The following PLAGL1 variants were observed in gnomAD, a reference collection of about 807,000 sequenced individuals.
PLAGL1 encodes the protein PLAG1 like zinc finger 1.
Under a neutral mutation model 4.6 loss-of-function variants are expected in PLAGL1, and 1 was observed. The observed-to-expected ratio is 0.22, with a 90% confidence interval of 0.08 to 1.03. PLAGL1 has a LOEUF of 1.03. Among genes scored for constraint, PLAGL1 ranks in the 50% least tolerant of loss-of-function variants. The pLI is 0.58. For missense variants in PLAGL1, 464 were observed against 570.4 expected, an observed-to-expected ratio of 0.81 and a Z score of 1.90; for synonymous variants, 240 against 237.8, an observed-to-expected ratio of 1.01 and a Z score of -0.08.
rs896608850 is a variant in PLAGL1, at chr6:143,995,699, AT to A, written c.-583-10526del. Among the ~76,000 whole-genome samples, 29 of 150,438 alleles carry A rather than the reference AT, an allele frequency of 1.9e-4. No homozygotes were observed. Among genetic ancestry groups the A allele is most frequent in the East Asian group, 9.7e-4 (5 of 5,156 alleles). On this transcript the variant is annotated intron_variant, in intron 1 of 7. Coordinates refer to ENST00000674357, the MANE Select transcript of PLAGL1 (RefSeq NM_001317162.2). The surrounding 1 kb of genome is among the most constrained non-coding windows in gnomAD (Gnocchi z 4.4). ...AATGTTTCAAATCTGAAATATAAGG[AT>A]TTTTTTTTTCCTGAAGACTAAAGGA...
rs1363517603 is a variant in PLAGL1, at chr6:143,985,577, A to G, written c.-583-403T>C. Among the ~76,000 whole-genome samples, 1 of 152,168 alleles carries G rather than the reference A, an allele frequency of 6.6e-6. No homozygotes were observed. The highest frequency in any genetic ancestry group is 2.4e-5 in the African/African-American group (1 of 41,442). On this transcript the variant is annotated intron_variant, in intron 1 of 7. Coordinates refer to ENST00000674357, the MANE Select transcript of PLAGL1 (RefSeq NM_001317162.2). The surrounding 1 kb of genome is among the most constrained non-coding windows in gnomAD (Gnocchi z 4.4). ...CATCTATTTTTAACACTAAAATAAT[A>G]ACAGCCATTTACAAAAAGTATTTCA...
In PLAGL1 at chr6:143,945,189, CTTGT is replaced by C. The variant is rs1228494515; in HGVS notation, c.153-2530_153-2527del. ...CCTATAGCTGAAATTACTTCAACGA[CTTGT>C]TTCTTTCCCTCAGTTTTTCATCTTA... On this transcript the variant is annotated intron_variant, in intron 7 of 7. Coordinates refer to ENST00000674357, the MANE Select transcript of PLAGL1 (RefSeq NM_001317162.2). This position sits in a 1 kb window ranked among gnomAD's most constrained non-coding sequence, Gnocchi z 4.2. 1.3e-5 allele frequency among the ~76,000 whole-genome samples: 2 copies of C among 152,212 alleles called. No homozygotes were observed. Among genetic ancestry groups the C allele is most frequent in the African/African-American group, 4.8e-5 (2 of 41,448 alleles).
intron 1 of PLAGL1, among the ~76,000 whole-genome samples, chr6:144,057,776 A>ATTTTTTTTTTTTTTTTTT (rs60234022): frequency 7.3e-6 from 1 of 137,218 alleles, no homozygotes; most frequent in Non-Finnish European, 1.6e-5. Flanking sequence ...ACGCCTCACC[A>ATTTTTTTTTTTTTTTTTT]TTTTTTTTTT....
Position 143,940,729 on chromosome 6 carries a change from A to ATTTTT in PLAGL1, c.*690_*694dup, listed in dbSNP as rs35981443. ...TACCACTTAACCTGGTTACACAGTG[A>ATTTTT]TTTTTTTTTTTTTTCTGTCAGATGT... On this transcript the variant is annotated 3_prime_UTR_variant, in exon 8 of 8. Transcript: ENST00000674357. 1 of 147,360 alleles carries ATTTTT rather than the reference A, an allele frequency of 6.8e-6. No homozygotes were observed. Among genetic ancestry groups the ATTTTT allele is most frequent in the Non-Finnish European group, 1.5e-5 (1 of 66,858 alleles). The allele number at this position is 147,360 out of a possible 1,614,324, so 9.1% of individuals were successfully genotyped here.
rs1255446471 is a variant in PLAGL1, at chr6:143,975,919, A to G, written c.-543-6941T>C. Among the ~76,000 whole-genome samples, 1 of 152,218 alleles carries G rather than the reference A, an allele frequency of 6.6e-6. No homozygotes were observed. Among genetic ancestry groups the G allele is most frequent in the East Asian group, 1.9e-4 (1 of 5,204 alleles). Reference sequence around the variant, plus strand: ...CTTGAAGAGAAAAATACACACAGGGATATCTGTTGTCTGTAGATAGTGCTT... The same window carrying G: ...CTTGAAGAGAAAAATACACACAGGGGTATCTGTTGTCTGTAGATAGTGCTT... On this transcript the variant is annotated intron_variant, in intron 2 of 7. Transcript: ENST00000674357. This position sits in a 1 kb window ranked among gnomAD's most constrained non-coding sequence, Gnocchi z 5.8.
chr6:144,035,085 A>G (rs1397327909), intron 1 of PLAGL1, among the ~76,000 whole-genome samples: 2 of 152,276 alleles, frequency 1.3e-5, no homozygotes. Flanking sequence ...TTTTCATACT[A>G]AAATGTTTCA....
chr6:143,944,908 A>C (rs1467721388), intron 7 of PLAGL1, among the ~76,000 whole-genome samples: 1 of 151,426 alleles, frequency 6.6e-6, no homozygotes, highest in African/African-American at 2.4e-5. Context: ...TTTATCACCC[A>C]TGGGTAGATC....
At chr6:143,988,142 C>T (rs1293656772) in intron 1 of PLAGL1, among the ~76,000 whole-genome samples, 2 of 152,218 alleles carry the variant, frequency 1.3e-5, no homozygotes, top group Non-Finnish European at 2.9e-5. Context: ...CATCACTCTT[C>T]CTCTGCGGCT....
chr6:143,946,763 T>C (rs1779891182), intron 7 of PLAGL1, among the ~76,000 whole-genome samples: 1 of 152,238 alleles, frequency 6.6e-6, no homozygotes, highest in South Asian at 2.1e-4. Flanking sequence ...CGTTTGTATG[T>C]GAACAGTCAA....
chr6:144,047,737 A>T (rs989512359), intron 1 of PLAGL1, among the ~76,000 whole-genome samples: 1 of 152,130 alleles, frequency 6.6e-6, no homozygotes, highest in Non-Finnish European at 1.5e-5. Context: ...ACAATTCAAG[A>T]TGAGATTTGG....
rs536568364 is a variant in PLAGL1 at position 143,990,601 on chromosome 6, CT to C, written c.-583-5428del. Among the ~76,000 whole-genome samples the C allele has an allele frequency of 2.0e-3, 300 of 152,276 alleles. 1 individual carries two copies. Among genetic ancestry groups the C allele is most frequent in the Admixed American group, 6.7e-3 (102 of 15,296 alleles). On this transcript the variant is annotated intron_variant, in intron 1 of 7. Coordinates refer to ENST00000674357, the MANE Select transcript of PLAGL1 (RefSeq NM_001317162.2). The surrounding 1 kb of genome is among the most constrained non-coding windows in gnomAD (Gnocchi z 5.4). ...TATCTCTACCACTCTATCAAAAGAT[CT>C]TTATCAAGGTCATCAAAGCAATTCT... is the stretch of plus-strand genomic sequence containing the variant.
In PLAGL1 at chr6:143,973,530, C is replaced by A. The variant is rs1785822185; in HGVS notation, c.-543-4552G>T. 6.6e-6 allele frequency among the ~76,000 whole-genome samples: 1 copy of A among 152,194 alleles called. No individual in the cohort carries two copies. Among genetic ancestry groups the A allele is most frequent in the Non-Finnish European group, 1.5e-5 (1 of 68,034 alleles). On this transcript the variant is annotated intron_variant, in intron 2 of 7. Coordinates refer to ENST00000674357, the MANE Select transcript of PLAGL1 (RefSeq NM_001317162.2). The surrounding 1 kb of genome is among the most constrained non-coding windows in gnomAD (Gnocchi z 6.2). ...CTGCTGAGCTTCAATGGCCCCCTGA[C>A]ATTCCATAAATAAACTTCTCCCTCT...
chr6:144,010,239 G>A (rs946653953), upstream of PLAGL1, among the ~76,000 whole-genome samples: 4 of 152,054 alleles, frequency 2.6e-5, no homozygotes, highest in African/African-American at 9.7e-5. This position sits in a 1 kb window ranked among gnomAD's most constrained non-coding sequence, Gnocchi z 4.1. Context: ...TACCTGATAA[G>A]CAACTTCAGC....
In PLAGL1 at chr6:143,942,574, A is replaced by G; in HGVS notation, c.242T>C (p.Leu81Pro). ...CATTTTGTTGGGGTCGTGGGTCTGG[A>G]GGTGGTTTTTCAGGTGGTCTTTCCG... The part of the protein sequence containing the change: ...FNRKDHLKNH[L>P]QTHDPNKMAF... The change falls in exon 8 of 8, where the codon CTC becomes CCC. Residue 81 changes from leucine (L) to proline (P), a missense_variant. Physicochemically the swap from Leu to Pro is moderately conservative, Grantham distance 98. Transcript: ENST00000674357. This position sits in a 1 kb window ranked among gnomAD's most constrained non-coding sequence, Gnocchi z 7.6. The G allele has an allele frequency of 1.2e-6, 2 of 1,613,956 alleles. No homozygotes were observed. Among genetic ancestry groups the G allele is most frequent in the South Asian group, 2.2e-5 (2 of 91,062 alleles).
At chr6:144,040,162 A>G (rs1215430964) in intron 1 of PLAGL1, among the ~76,000 whole-genome samples, 1 of 152,232 alleles carries the variant, frequency 6.6e-6, no homozygotes, top group Non-Finnish European at 1.5e-5. Context: ...CATGGTAAGT[A>G]CTAAATACAT....
chr6:144,051,212 A>T (rs756040577), intron 1 of PLAGL1, among the ~76,000 whole-genome samples: 4 of 152,240 alleles, frequency 2.6e-5, no homozygotes, highest in Non-Finnish European at 5.9e-5. Flanking sequence ...TTCAGAAAAC[A>T]ATGAATCCAC....
intron 2 of PLAGL1, among the ~76,000 whole-genome samples, chr6:143,977,651 C>A (rs899869520): frequency 6.6e-6 from 1 of 151,700 alleles, no homozygotes; most frequent in African/African-American, 2.4e-5. Flanking sequence ...AGGCGCCCAC[C>A]ATCATGCCAG....
At position 143,948,101 on chromosome 6, in the gene PLAGL1, CG is replaced by C; in HGVS notation, c.35del (p.Thr12SerfsTer38). 2 of 1,613,862 alleles carry C rather than the reference CG, an allele frequency of 1.2e-6. No homozygotes were observed. The highest frequency in any genetic ancestry group is 1.7e-6 in the Non-Finnish European group (2 of 1,179,870). On this transcript the variant is annotated frameshift_variant, in exon 7 of 8. Transcript: ENST00000674357. LOFTEE classifies it high-confidence loss of function. This position sits in a 1 kb window ranked among gnomAD's most constrained non-coding sequence, Gnocchi z 6.0. ...ATFPCQLCGK[T>X]FLTLEKFTIH... ...TCGTGAACTTCTCCAGGGTGAGGAACGTCTTGCCACATAACTGGCAGGGGAA... is the reference window on the plus strand; with the variant it reads ...TCGTGAACTTCTCCAGGGTGAGGAACTCTTGCCACATAACTGGCAGGGGAA...
intron 1 of PLAGL1, among the ~76,000 whole-genome samples, chr6:144,029,652 A>G (rs905259682): frequency 3.9e-5 from 6 of 152,234 alleles, no homozygotes; most frequent in African/African-American, 1.2e-4. Flanking sequence ...TATGCTGTCA[A>G]GCATTTGGAG....
Sources: gnomAD v4.1 joint callset for allele counts (sites outside exome capture counted in the v4.1 genomes callset) on GRCh38, gnomAD v4.1.1 for gene constraint, Gnocchi (gnomAD v3.1) non-coding constraint, MANE v1.5 for transcripts, NCBI Gene and HGNC (gene_info 2026-07-23, HGNC 2026-07-21) for gene names.